Variants in VTI1A observed in about 807,000 individuals in gnomAD.
VTI1A encodes vesicle transport through interaction with t-SNAREs 1A, also known as vesicle transport through interaction with t-SNAREs homolog 1A.
VTI1A carries 22 observed loss-of-function variants against 34.9 expected under a neutral mutation model. That is an observed-to-expected ratio of 0.63 (90% confidence interval 0.45 to 0.90). The LOEUF is 0.90. VTI1A is among the 40% of genes least tolerant of loss of function. The probability of loss-of-function intolerance (pLI) is 0.00; values close to 1 mark genes in which losing one functional copy is unlikely to be tolerated. For synonymous variants in VTI1A, 87 were observed against 97.3 expected (o/e 0.89, Z 0.62); for missense variants, 268 against 275.6 (o/e 0.97, Z 0.20).
intron 3 of VTI1A, among the ~76,000 whole-genome samples, chr10:112,509,598 C>G (rs564525755): frequency 2.0e-5 from 3 of 152,116 alleles, no homozygotes; most frequent in Non-Finnish European, 4.4e-5. Context: ...CTACCATGCC[C>G]AAAGATAATT....
upstream of VTI1A, chr10:112,447,079 T>C (rs2277206): frequency 0.56 from 229,843 of 411,448 alleles, 66,393 homozygotes; most frequent in Admixed American, 0.62. Context: ...CCCTCAGAAC[T>C]TGCATATTTT....
chr10:112,636,567 A>C (rs989194416), intron 5 of VTI1A, among the ~76,000 whole-genome samples: 1 of 151,912 alleles, frequency 6.6e-6, no homozygotes, highest in African/African-American at 2.4e-5. Flanking sequence ...CTACTAAAAA[A>C]AATATATAAA....
chr10:112,714,147 C>T (rs66770031), intron 7 of VTI1A, among the ~76,000 whole-genome samples: 24,741 of 151,984 alleles, frequency 0.16, 2,222 homozygotes, highest in Middle Eastern at 0.23. Flanking sequence ...AATCTGAGGA[C>T]GGTACATCAC....
At chr10:112,459,152 G>C (rs926566932) in intron 1 of VTI1A, among the ~76,000 whole-genome samples, 2 of 152,148 alleles carry the variant, frequency 1.3e-5, no homozygotes, top group African/African-American at 4.8e-5. Flanking sequence ...GAAAGTTGTT[G>C]GCTCAAGAAA....
intron 5 of VTI1A, among the ~76,000 whole-genome samples, chr10:112,562,597 G>A (rs572380365): frequency 7.9e-5 from 12 of 152,062 alleles, no homozygotes; most frequent in African/African-American, 1.9e-4. Flanking sequence ...CAACATCTGA[G>A]TGTCTCTTGA....
intron 7 of VTI1A, among the ~76,000 whole-genome samples, chr10:112,786,540 G>T (rs1852294115): frequency 6.6e-6 from 1 of 152,142 alleles, no homozygotes; most frequent in Non-Finnish European, 1.5e-5. Context: ...AAAGCCTTCA[G>T]TCTTTCACCC....
intron 7 of VTI1A, among the ~76,000 whole-genome samples, chr10:112,738,546 A>G (rs1472161401): frequency 1.3e-5 from 2 of 152,214 alleles, no homozygotes; most frequent in African/African-American, 4.8e-5. Flanking sequence ...GACATCTGAA[A>G]TATTAAAGGA....
chr10:112,546,101 T>C (rs1172908989), intron 5 of VTI1A, among the ~76,000 whole-genome samples: 1 of 150,924 alleles, frequency 6.6e-6, no homozygotes, highest in Non-Finnish European at 1.5e-5. Flanking sequence ...TGTGTGTATA[T>C]ACGTGTATAC....
intron 5 of VTI1A, among the ~76,000 whole-genome samples, chr10:112,591,213 A>G (rs929785893): frequency 3.3e-5 from 5 of 152,120 alleles, no homozygotes; most frequent in Non-Finnish European, 5.9e-5. Context: ...TTGGGTACTC[A>G]GGTTTATGTT....
intron 7 of VTI1A, among the ~76,000 whole-genome samples, chr10:112,783,774 G>C (rs1002303462): frequency 6.6e-6 from 1 of 152,218 alleles, no homozygotes. Flanking sequence ...CTGGAGGCAG[G>C]TGGTGACAAA....
chr10:112,714,316 C>A (rs919607147), intron 7 of VTI1A, among the ~76,000 whole-genome samples: 1 of 152,154 alleles, frequency 6.6e-6, no homozygotes, highest in Non-Finnish European at 1.5e-5. Flanking sequence ...TCACTCGATG[C>A]CTTTCCCCTG....
intron 4 of VTI1A, among the ~76,000 whole-genome samples, chr10:112,536,212 T>A (rs2134247726): frequency 6.6e-6 from 1 of 150,778 alleles, no homozygotes; most frequent in South Asian, 2.1e-4. Context: ...TTTCATCCAA[T>A]ATGAAAATGA....
At chr10:112,686,202 G>A (rs893028087) in intron 7 of VTI1A, among the ~76,000 whole-genome samples, 1 of 152,172 alleles carries the variant, frequency 6.6e-6, no homozygotes, top group African/African-American at 2.4e-5. Context: ...TTTCTATCTA[G>A]TAGAAGACTA....
At chr10:112,807,841 G>A (rs1018265213) in intron 7 of VTI1A, among the ~76,000 whole-genome samples, 8 of 150,776 alleles carry the variant, frequency 5.3e-5, no homozygotes, top group African/African-American at 1.7e-4. Flanking sequence ...CAACAAGAGT[G>A]AAACTCCGTC....
At chr10:112,812,785 C>A (rs750125459) in intron 7 of VTI1A, among the ~76,000 whole-genome samples, 5 of 152,318 alleles carry the variant, frequency 3.3e-5, no homozygotes, top group African/African-American at 4.8e-5. Context: ...ACCCCGCCCC[C>A]ACCCAGCACA....
intron 7 of VTI1A, among the ~76,000 whole-genome samples, chr10:112,719,026 CT>C (rs1245364884): frequency 6.6e-6 from 1 of 152,138 alleles, no homozygotes; most frequent in Non-Finnish European, 1.5e-5. Context: ...CTTTTTTTAG[CT>C]TTTCAACAGT....
In VTI1A at chr10:112,550,010, C is replaced by G. The variant is rs142067774; in HGVS notation, c.427+11680C>G. ...GTAAGAAAAGAATGTCATTTAAATC[C>G]TGTTTGGAGAACCTTCTCCTTAGGT... On this transcript the variant is annotated intron_variant, in intron 5 of 7. Coordinates refer to ENST00000393077, the MANE Select transcript of VTI1A (RefSeq NM_145206.4). Among the ~76,000 whole-genome samples, 238 of 152,194 alleles carry G rather than the reference C, an allele frequency of 1.6e-3. 1 individual carries two copies. Among genetic ancestry groups the G allele is most frequent in the African/African-American group, 5.4e-3 (226 of 41,516 alleles).
At chr10:112,466,867 G>T (rs1027085383) in intron 3 of VTI1A, among the ~76,000 whole-genome samples, 3 of 152,178 alleles carry the variant, frequency 2.0e-5, no homozygotes, top group Non-Finnish European at 4.4e-5. Context: ...GGCAGGTGTG[G>T]TTCCTTTTGA....
At chr10:112,580,075 CCT>C (rs2134394788) in intron 5 of VTI1A, among the ~76,000 whole-genome samples, 1 of 152,002 alleles carries the variant, frequency 6.6e-6, no homozygotes, top group East Asian at 1.9e-4. Context: ...GCTAGAGATC[CCT>C]GATCATGTGT....
Sources: gnomAD v4.1 joint callset for allele counts (sites outside exome capture counted in the v4.1 genomes callset) on GRCh38, gnomAD v4.1.1 for gene constraint, MANE v1.5 for transcripts, NCBI Gene and HGNC (gene_info 2026-07-23, HGNC 2026-07-21) for gene names.